The following RNF130 variants were observed in gnomAD, a reference collection of about 807,000 sequenced individuals.
RNF130 encodes the protein E3 ubiquitin-protein ligase RNF130.
Under a neutral mutation model 44.6 loss-of-function variants are expected in RNF130, and 21 were observed. The observed-to-expected ratio is 0.47, with a 90% CI of 0.33 to 0.68. RNF130 has a LOEUF of 0.68. Among genes scored for constraint, RNF130 ranks in the 30% least tolerant of loss-of-function variants. The pLI is 0.02. For synonymous variants in RNF130, 214 were observed against 210.4 expected, an observed-to-expected ratio of 1.02 and a Z score of -0.15; for missense variants, 479 against 560.6, an observed-to-expected ratio of 0.85 and a Z score of 1.47.
chr5:180,009,247 T>A (rs933316011), intron 3 of RNF130, among the ~76,000 whole-genome samples: 1 of 152,054 alleles, frequency 6.6e-6, no homozygotes, highest in East Asian at 1.9e-4. Context: ...AAAGAAAAAA[T>A]TAATAAACCA....
At chr5:179,948,961 ATTTTTTTTTTT>A (rs554440602) in intron 7 of RNF130, among the ~76,000 whole-genome samples, 1 of 128,596 alleles carries the variant, frequency 7.8e-6, no homozygotes. Flanking sequence ...CCTTGGAATA[ATTTTTTTTTTT>A]TTTTTTTTTT....
intron 1 of RNF130, among the ~76,000 whole-genome samples, chr5:180,056,641 G>A (rs1232421634): frequency 6.6e-6 from 1 of 152,168 alleles, no homozygotes; most frequent in Non-Finnish European, 1.5e-5. Flanking sequence ...CTCAGAGAAA[G>A]AAGACAATTC....
intron 1 of RNF130, among the ~76,000 whole-genome samples, chr5:180,050,563 G>A (rs1166733538): frequency 6.6e-6 from 1 of 152,198 alleles, no homozygotes; most frequent in Non-Finnish European, 1.5e-5. Flanking sequence ...CAGTCAAGGT[G>A]AAACATAGAA....
At chr5:180,057,483 G>A (rs897540415) in intron 1 of RNF130, among the ~76,000 whole-genome samples, 1 of 152,110 alleles carries the variant, frequency 6.6e-6, no homozygotes, top group African/African-American at 2.4e-5. Flanking sequence ...AGGAGGTGGA[G>A]GCTGCATTGA....
At position 180,071,642 on chromosome 5, in the gene RNF130, T is replaced by C. The variant is rs1765272822; in HGVS notation, c.61A>G (p.Ser21Gly). Residue 21 changes from serine (S) to glycine (G), a missense_variant, in exon 1 of 9, where the codon AGC (serine) becomes GGC (glycine). Around this residue, in one of 3 missense-constraint regions of RNF130, gnomAD observed 138 missense variants for 126.9 expected, o/e 1.09. Transcript: ENST00000521389. Reference sequence around the variant, plus strand: ...TTGTCTGCCCGTGCCGGCCACAGGCTGCAGGTCAGCAGGGCGAGCGCGGCG... The same window carrying C: ...TTGTCTGCCCGTGCCGGCCACAGGCCGCAGGTCAGCAGGGCGAGCGCGGCG... ...RLAALALLTC[S>G]LWPARADNAS... 2 of 1,492,180 alleles carry C rather than the reference T, an allele frequency of 1.3e-6. No homozygotes were observed. Among genetic ancestry groups the C allele is most frequent in the African/African-American group, 1.4e-5 (1 of 69,434 alleles). 92.4% of individuals were successfully genotyped at this position (1,492,180 alleles called of 1,614,324 possible). A position where few individuals can be genotyped will look rare whatever the true frequency, so the allele number is the denominator to read the frequency against.
At chr5:179,941,780 G>A (rs1761971794) in intron 7 of RNF130, among the ~76,000 whole-genome samples, 1 of 152,058 alleles carries the variant, frequency 6.6e-6, no homozygotes, top group Non-Finnish European at 1.5e-5. Context: ...TGATATGATG[G>A]TTGCACCACA....
At position 179,984,254 on chromosome 5, in the gene RNF130, T is replaced by C. The variant is rs139701291; in HGVS notation, c.694-4054A>G. Among the ~76,000 whole-genome samples the C allele has an allele frequency of 9.8e-3, 1,490 of 152,320 alleles. 11 individuals are homozygous for C. The highest frequency in any genetic ancestry group is 0.014 in the Non-Finnish European group (979 of 68,026). On this transcript the variant is annotated intron_variant, in intron 3 of 8. Transcript: ENST00000521389. ...ACAGCTTACTTCTCCATTTCCACAA[T>C]GGATGTCTTTTACGTCTTTTCCTTT...
chr5:179,945,450 G>A (rs1424700305), intron 7 of RNF130, among the ~76,000 whole-genome samples: 1 of 152,172 alleles, frequency 6.6e-6, no homozygotes, highest in African/African-American at 2.4e-5. Context: ...TACAAGGAAA[G>A]AGAAAACATT....
intron 2 of RNF130, among the ~76,000 whole-genome samples, chr5:180,034,008 C>T (rs953263984): frequency 3.9e-5 from 6 of 152,008 alleles, no homozygotes; most frequent in African/African-American, 1.4e-4. Context: ...AGCAGTTAGT[C>T]TTTCACTATC....
rs773403461 is a variant in RNF130 at position 179,966,976 on chromosome 5, T to C, written c.980A>G (p.Asp327Gly). The change falls in exon 7 of 9, where the codon GAT becomes GGT. Residue 327 changes from aspartate (D) to glycine (G), a missense_variant. By Grantham distance (94) the Asp-to-Gly change is moderately conservative. Transcript: ENST00000521389. Reference sequence around the variant, plus strand: ...TTGGGTTCTGGTGAGCCTTTCCATATCGAATGCTACGTTATCAGTACATGG... The same window carrying C: ...TTGGGTTCTGGTGAGCCTTTCCATACCGAATGCTACGTTATCAGTACATGG... The part of the protein sequence containing the change: ...NLPCTDNVAF[D>G]MERLTRTQAV... 6.2e-7 allele frequency: 1 copy of C among 1,614,222 alleles called. No individual in the cohort carries two copies. The highest frequency in any genetic ancestry group is 1.1e-5 in the South Asian group (1 of 91,082).
chr5:180,023,934 C>T (rs557871365), intron 2 of RNF130, among the ~76,000 whole-genome samples: 1 of 152,268 alleles, frequency 6.6e-6, no homozygotes, highest in East Asian at 1.9e-4. Context: ...GCCAGGTGAC[C>T]AAAGTCAACA....
At chr5:179,948,961 A>ATTTTTTTT (rs554440602) in intron 7 of RNF130, among the ~76,000 whole-genome samples, 1 of 128,596 alleles carries the variant, frequency 7.8e-6, no homozygotes, top group Non-Finnish European at 1.6e-5. Flanking sequence ...CCTTGGAATA[A>ATTTTTTTT]TTTTTTTTTT....
rs149695896 is a variant in RNF130 at position 179,996,579 on chromosome 5, T to C, written c.694-16379A>G. Among the ~76,000 whole-genome samples, 31 of 152,354 alleles carry C rather than the reference T, an allele frequency of 2.0e-4. No individual in the cohort carries two copies. In the East Asian group the frequency reaches 3.3e-3, roughly 16 times the overall value. On this transcript the variant is annotated intron_variant, in intron 3 of 8. Transcript: ENST00000521389. ...CATCTACTGGCATTACCACATGGTT[T>C]TTGTTCTTCATTCTGTTGATGTGAT...
At chr5:179,970,655 T>A in intron 5 of RNF130, 149 bp from the exon 6 acceptor site, 1 of 637,022 alleles carries the variant, frequency 1.6e-6, no homozygotes, top group Non-Finnish European at 2.8e-6. Context: ...GGGAATTTAT[T>A]AAAATATAAC....
chr5:180,003,755 T>C (rs1203259216), intron 3 of RNF130, among the ~76,000 whole-genome samples: 1 of 152,188 alleles, frequency 6.6e-6, no homozygotes, highest in Admixed American at 6.5e-5. Context: ...TACGATGAGG[T>C]ACAAAATTCT....
At chr5:179,974,491 G>A (rs140800210) in intron 5 of RNF130, among the ~76,000 whole-genome samples, 179 of 152,312 alleles carry the variant, frequency 1.2e-3, no homozygotes, top group East Asian at 6.9e-3. Flanking sequence ...TAAATAGTGC[G>A]ACAGAAGAGG....
intron 7 of RNF130, among the ~76,000 whole-genome samples, chr5:179,925,166 G>A (rs1010132626): frequency 3.9e-5 from 6 of 152,198 alleles, no homozygotes; most frequent in Non-Finnish European, 7.3e-5. Flanking sequence ...AGGTAGCTCC[G>A]GGATGGGGCT....
At chr5:180,039,938 G>A (rs985177854) in intron 2 of RNF130, among the ~76,000 whole-genome samples, 14 of 152,230 alleles carry the variant, frequency 9.2e-5, no homozygotes, top group South Asian at 8.3e-4. Flanking sequence ...ATCGCACAGC[G>A]CCTGGCATTT....
chr5:180,038,243 T>A (rs1000508652), intron 2 of RNF130, among the ~76,000 whole-genome samples: 1 of 147,818 alleles, frequency 6.8e-6, no homozygotes, highest in Non-Finnish European at 1.5e-5. Flanking sequence ...TTTGTAGAGA[T>A]GGGGTCTCCC....
Sources: gnomAD v4.1 joint callset for allele counts (sites outside exome capture counted in the v4.1 genomes callset) on GRCh38, gnomAD v4.1.1 for gene constraint, gnomAD v4.1.1 regional missense constraint, MANE v1.5 for transcripts, NCBI Gene and HGNC (gene_info 2026-07-23, HGNC 2026-07-21) for gene names.